KCTD8: variants seen among roughly 807,000 people sequenced by gnomAD.
KCTD8 encodes potassium channel tetramerization domain containing 8.
Under a neutral mutation model 31.5 loss-of-function variants are expected in KCTD8, and 27 were observed. That is an observed-to-expected ratio of 0.86 (90% CI 0.63 to 1.18). The LOEUF (loss-of-function observed/expected upper bound fraction) is 1.18, where lower values mean the gene tolerates loss of function less well. Among genes scored for constraint, KCTD8 ranks in the 50% most tolerant of loss-of-function variants. The probability of loss-of-function intolerance (pLI) is 0.00; values close to 1 mark genes in which losing one functional copy is unlikely to be tolerated. For synonymous variants in KCTD8, 290 were observed against 280.0 expected (o/e 1.04, Z -0.36); for missense variants, 658 against 647.7 (o/e 1.02, Z -0.17).
At chr4:44,257,864 C>T (rs933219713) in intron 1 of KCTD8, among the ~76,000 whole-genome samples, 13 of 151,916 alleles carry the variant, frequency 8.6e-5, no homozygotes, top group Admixed American at 1.3e-4. Flanking sequence ...AGTCTTCATC[C>T]GTTGACTTGA....
intron 1 of KCTD8, among the ~76,000 whole-genome samples, chr4:44,227,101 T>G (rs1714985960): frequency 6.6e-6 from 1 of 152,248 alleles, no homozygotes. Flanking sequence ...GTTTTAGTCA[T>G]GAAGTCCTTG....
intron 1 of KCTD8, among the ~76,000 whole-genome samples, chr4:44,303,691 C>T (rs892554867): frequency 2.0e-5 from 3 of 151,824 alleles, no homozygotes; most frequent in African/African-American, 7.3e-5. Context: ...TGCTGTGCTC[C>T]TGTAGTCCCA....
At position 44,448,721 on chromosome 4, in the gene KCTD8, G is replaced by T; in HGVS notation, c.-198C>A. 2.3e-6 allele frequency: 1 copy of T among 441,626 alleles called. No individual in the cohort carries two copies. The highest frequency in any genetic ancestry group is 3.8e-6 in the Non-Finnish European group (1 of 266,550). 27.4% of individuals were successfully genotyped at this position (441,626 alleles called of 1,614,324 possible). ...GCCCGAGCTCCATCGGAGGAGAGAC[G>T]CGCGAGAGAGGAGCTCCGCCGGTGC... is the stretch of plus-strand genomic sequence containing the variant. On this transcript the variant is annotated 5_prime_UTR_variant, in exon 1 of 2. Transcript: ENST00000360029. The surrounding 1 kb of genome is among the most constrained non-coding windows in gnomAD (Gnocchi z 4.1).
At chr4:44,373,717 A>ATT (rs1690454802) in intron 1 of KCTD8, among the ~76,000 whole-genome samples, 2 of 152,182 alleles carry the variant, frequency 1.3e-5, no homozygotes, top group South Asian at 4.1e-4. Flanking sequence ...GAAAAACATC[A>ATT]TTAACAGATT....
chr4:44,420,330 G>A (rs1267764175), intron 1 of KCTD8, among the ~76,000 whole-genome samples: 1 of 152,162 alleles, frequency 6.6e-6, no homozygotes, highest in Non-Finnish European at 1.5e-5. Flanking sequence ...GGTGTCAGGT[G>A]TTTACAAGAA....
chr4:44,393,355 C>T (rs1227561932), intron 1 of KCTD8, among the ~76,000 whole-genome samples: 3 of 151,330 alleles, frequency 2.0e-5, no homozygotes, highest in East Asian at 1.9e-4. Flanking sequence ...TAATATATTC[C>T]TAAGAAAATT....
chr4:44,267,334 C>A (rs1264207198), intron 1 of KCTD8, among the ~76,000 whole-genome samples: 3 of 152,196 alleles, frequency 2.0e-5, no homozygotes, highest in African/African-American at 4.8e-5. Context: ...TAAAGATGTT[C>A]TTTGAAACCA....
intron 1 of KCTD8, among the ~76,000 whole-genome samples, chr4:44,176,854 T>G (rs543113955): frequency 3.5e-4 from 52 of 147,288 alleles, no homozygotes; most frequent in African/African-American, 1.2e-3. Flanking sequence ...AAAGTATATA[T>G]GTCTACATCT....
At chr4:44,310,393 T>G (rs10517095) in intron 1 of KCTD8, among the ~76,000 whole-genome samples, 2,228 of 152,168 alleles carry the variant, frequency 0.015, 53 homozygotes, top group African/African-American at 0.049. Context: ...AGCAGAGAGA[T>G]TTATGAAACA....
intron 1 of KCTD8, among the ~76,000 whole-genome samples, chr4:44,371,283 T>C (rs1719779386): frequency 6.6e-6 from 1 of 152,224 alleles, no homozygotes; most frequent in Non-Finnish European, 1.5e-5. Context: ...TAATCTCTTA[T>C]ATTCTAATAG....
intron 1 of KCTD8, among the ~76,000 whole-genome samples, chr4:44,377,055 G>T (rs894427586): frequency 6.6e-6 from 1 of 152,122 alleles, no homozygotes; most frequent in Non-Finnish European, 1.5e-5. Context: ...TATTTAAAAG[G>T]TATAAATCAA....
At chr4:44,361,357 G>T (rs1370519866) in intron 1 of KCTD8, among the ~76,000 whole-genome samples, 1 of 151,922 alleles carries the variant, frequency 6.6e-6, no homozygotes, top group Non-Finnish European at 1.5e-5. Context: ...TTGGGCCATT[G>T]TTTAACATGT....
At chr4:44,182,269 A>G (rs1713445226) in intron 1 of KCTD8, among the ~76,000 whole-genome samples, 1 of 152,190 alleles carries the variant, frequency 6.6e-6, no homozygotes, top group African/African-American at 2.4e-5. Flanking sequence ...CTGCCCGGCC[A>G]CCACCCCATC....
chr4:44,219,130 C>T (rs543524893), intron 1 of KCTD8, among the ~76,000 whole-genome samples: 6 of 152,250 alleles, frequency 3.9e-5, no homozygotes, highest in Non-Finnish European at 5.9e-5. Flanking sequence ...TTTCAATATG[C>T]TTTCTGATTT....
intron 1 of KCTD8, among the ~76,000 whole-genome samples, chr4:44,272,874 T>C (rs1008653438): frequency 6.6e-6 from 1 of 152,024 alleles, no homozygotes; most frequent in Non-Finnish European, 1.5e-5. Context: ...TACGAAAACA[T>C]AAATTCTTTT....
chr4:44,227,021 T>G (rs1279480561), intron 1 of KCTD8, among the ~76,000 whole-genome samples: 2 of 152,236 alleles, frequency 1.3e-5, no homozygotes, highest in African/African-American at 4.8e-5. Flanking sequence ...TTTCATTTGC[T>G]GTGCAGAAGC....
intron 1 of KCTD8, among the ~76,000 whole-genome samples, chr4:44,182,873 T>G (rs972215822): frequency 2.0e-5 from 3 of 152,238 alleles, no homozygotes; most frequent in African/African-American, 7.2e-5. Flanking sequence ...AGTCTCCTCA[T>G]GTTTAAACGT....
intron 1 of KCTD8, among the ~76,000 whole-genome samples, chr4:44,383,360 A>C (rs1233518955): frequency 6.6e-6 from 1 of 152,190 alleles, no homozygotes; most frequent in East Asian, 1.9e-4. Context: ...CAGATAGCCA[A>C]AGCAATCTAG....
At chr4:44,261,546 C>A (rs1716165595) in intron 1 of KCTD8, among the ~76,000 whole-genome samples, 1 of 151,884 alleles carries the variant, frequency 6.6e-6, no homozygotes, top group South Asian at 2.1e-4. Flanking sequence ...AGAACTTATT[C>A]TTCCTATAAT....
Sources: gnomAD v4.1 joint callset for allele counts (sites outside exome capture counted in the v4.1 genomes callset) on GRCh38, gnomAD v4.1.1 for gene constraint, Gnocchi (gnomAD v3.1) non-coding constraint, MANE v1.5 for transcripts, NCBI Gene and HGNC (gene_info 2026-07-23, HGNC 2026-07-21) for gene names.